The following ZNF207 variants were observed in gnomAD, a reference collection of about 807,000 sequenced individuals.
The protein encoded by ZNF207 is zinc finger protein 207.
ZNF207 carries 24 observed loss-of-function variants against 60.2 expected under a neutral mutation model. The ratio of observed to expected loss-of-function variants is 0.40; its 90% CI spans 0.29 to 0.56. The LOEUF is 0.56. Among genes scored for constraint, ZNF207 ranks in the 20% least tolerant of loss-of-function variants. ZNF207 has a pLI of 0.49. For missense variants in ZNF207, 452 were observed against 636.6 expected, an observed-to-expected ratio of 0.71 and a Z score of 3.12; for synonymous variants, 236 against 194.7, an observed-to-expected ratio of 1.21 and a Z score of -1.77.
intron 2 of ZNF207, among the ~76,000 whole-genome samples, chr17:32,357,351 A>ATTATTATTTTTT (rs1363194053): frequency 2.7e-5 from 2 of 74,028 alleles, no homozygotes; most frequent in African/African-American, 1.1e-4. Context: ...TATTATTATT[A>ATTATTATTTTTT]TTTTTTTTTT....
At chr17:32,351,988 T>C in intron 2 of ZNF207, 76 bp downstream of exon 2, 1 of 1,429,862 alleles carries the variant, frequency 7.0e-7, no homozygotes, top group Non-Finnish European at 9.3e-7. Context: ...TTTTTATTTT[T>C]TTGAGTTTCG....
chr17:32,358,097 A>G (rs928556621), intron 2 of ZNF207, among the ~76,000 whole-genome samples: 2 of 152,218 alleles, frequency 1.3e-5, no homozygotes, highest in Admixed American at 6.5e-5. Context: ...AATTCTTAAT[A>G]TGAGGCTGTT....
chr17:32,357,351 A>ATTTTTTTTTTTTTTTTT (rs1164011891), intron 2 of ZNF207, among the ~76,000 whole-genome samples: 2 of 74,028 alleles, frequency 2.7e-5, no homozygotes, highest in African/African-American at 1.1e-4. Context: ...TATTATTATT[A>ATTTTTTTTTTTTTTTTT]TTTTTTTTTT....
At chr17:32,361,399 T>C in intron 5 of ZNF207, 69 bp from the exon 6 acceptor site, 3 of 1,364,130 alleles carry the variant, frequency 2.2e-6, no homozygotes, top group Non-Finnish European at 3.1e-6. Flanking sequence ...GTGAGAGGTA[T>C]ACAATACACT....
Position 32,358,611 on chromosome 17 carries a change from AGAC to A in ZNF207, c.284_286del (p.Arg95del). ...TATTCCAGAAAAAGACATGGATGAA[AGAC>A]GACGACTTCTTGAACAGAAAACACA... On this transcript the variant is annotated inframe_deletion, in exon 3 of 12. Coordinates refer to ENST00000394670, the MANE Select transcript of ZNF207 (RefSeq NM_001098507.2). 6.5e-7 allele frequency: 1 copy of A among 1,533,088 alleles called. No homozygotes were observed. The highest frequency in any genetic ancestry group is 8.7e-7 in the Non-Finnish European group (1 of 1,148,676). The allele number at this position is 1,533,088 out of a possible 1,614,324, so 95.0% of individuals were successfully genotyped here. A position where few individuals can be genotyped will look rare whatever the true frequency, so the allele number is the denominator to read the frequency against.
chr17:32,353,597 C>A (rs1597755647), intron 2 of ZNF207, among the ~76,000 whole-genome samples: 1 of 147,708 alleles, frequency 6.8e-6, no homozygotes, highest in Non-Finnish European at 1.5e-5. Context: ...GCCTGACCAA[C>A]GTGGTGAAAC....
chr17:32,351,650 A>G (rs573442196), intron 1 of ZNF207, 136 bp from the exon 2 acceptor site: 37 of 1,568,036 alleles, frequency 2.4e-5, no homozygotes, highest in African/African-American at 4.1e-5. Flanking sequence ...TAATTGTGTA[A>G]TAAATATAAA....
At position 32,363,529 on chromosome 17, in the gene ZNF207, C is replaced by CTTTTTTTTTTTTT. The variant is rs746944466; in HGVS notation, c.670+561_670+573dup. On this transcript the variant is annotated intron_variant, in intron 7 of 11. Transcript: ENST00000394670. Reference sequence around the variant, plus strand: ...ACAAGTAATAGAGAAATCCAACAAACTTTTTTTTTTTTTTTTTTTTTTTTT... The same window carrying CTTTTTTTTTTTTT: ...ACAAGTAATAGAGAAATCCAACAAACTTTTTTTTTTTTTTTTTTTTTTTTTTTTTTTTTTTTTT... Among the ~76,000 whole-genome samples the CTTTTTTTTTTTTT allele has an allele frequency of 2.6e-3, 182 of 69,608 alleles. 34 individuals are homozygous for CTTTTTTTTTTTTT. The highest frequency in any genetic ancestry group is 3.6e-3 in the Non-Finnish European group (129 of 35,844). 45.7% of individuals were successfully genotyped at this position (69,608 alleles called of 152,430 possible). A position where few individuals can be genotyped will look rare whatever the true frequency, so the allele number is the denominator to read the frequency against.
intron 2 of ZNF207, 86 bp from the exon 3 acceptor site, chr17:32,358,417 A>G (rs2150792351): frequency 7.3e-7 from 1 of 1,361,326 alleles, no homozygotes; most frequent in South Asian, 1.6e-5. Flanking sequence ...ACTATAGAAC[A>G]TTTATTCTTT....
At chr17:32,357,335 TATTATTATTATTA>T (rs1161976881) in intron 2 of ZNF207, among the ~76,000 whole-genome samples, 29 of 92,860 alleles carry the variant, frequency 3.1e-4, no homozygotes, top group African/African-American at 9.3e-4. Context: ...TTATTATTAT[TATTATTATTATTA>T]TTATTTTTTT....
At chr17:32,368,048 T>C in intron 10 of ZNF207, 34 bp downstream of exon 10, 1 of 1,611,886 alleles carries the variant, frequency 6.2e-7, no homozygotes, top group Non-Finnish European at 8.5e-7. Flanking sequence ...GAGCAGCATT[T>C]GATTTAAAGC....
At chr17:32,358,146 A>G (rs1170526184) in intron 2 of ZNF207, among the ~76,000 whole-genome samples, 1 of 152,208 alleles carries the variant, frequency 6.6e-6, no homozygotes, top group Non-Finnish European at 1.5e-5. Context: ...AACATCCCTG[A>G]TTTGGATAGG....
At chr17:32,354,665 T>C (rs932783226) in intron 2 of ZNF207, among the ~76,000 whole-genome samples, 19 of 151,126 alleles carry the variant, frequency 1.3e-4, no homozygotes, top group Admixed American at 2.6e-4. Flanking sequence ...CAGGCTGGAG[T>C]GCAGTGGGCG....
At chr17:32,359,896 G>A (rs932634993) in intron 3 of ZNF207, among the ~76,000 whole-genome samples, 2 of 152,018 alleles carry the variant, frequency 1.3e-5, no homozygotes, top group Non-Finnish European at 1.5e-5. Context: ...TAGATAAATC[G>A]ATTGATTGAT....
rs549918204 is a variant in ZNF207, at chr17:32,373,632, T to C, written c.*3873T>C. 1 of 391,246 alleles carries C rather than the reference T, an allele frequency of 2.6e-6. No individual in the cohort carries two copies. Among genetic ancestry groups the C allele is most frequent in the African/African-American group, 2.1e-5 (1 of 48,528 alleles). 24.2% of individuals were successfully genotyped at this position (391,246 alleles called of 1,614,324 possible). A position where few individuals can be genotyped will look rare whatever the true frequency, so the allele number is the denominator to read the frequency against. On this transcript the variant is annotated 3_prime_UTR_variant, in exon 12 of 12. Transcript: ENST00000394670. Reference sequence around the variant, plus strand: ...TTAATATTCACGTTTGACTGTGGTGTTAATAAACATAAGTATTTCATATGC... The same window carrying C: ...TTAATATTCACGTTTGACTGTGGTGCTAATAAACATAAGTATTTCATATGC...
intron 1 of ZNF207, 55 bp from the exon 2 acceptor site, chr17:32,351,731 T>A (rs750654153): frequency 1.2e-6 from 2 of 1,610,318 alleles, no homozygotes; most frequent in African/African-American, 1.3e-5. Flanking sequence ...CATATGTTTT[T>A]ATTATAGGCA....
In ZNF207 at chr17:32,378,260, C is replaced by G. The variant is rs1033841953; in HGVS notation, c.*8501C>G. Reference sequence around the variant, plus strand: ...AAAAGACAGTTTCAGTTGGCTATGCCCTTGTTGATAGATGATATGGAGTCC... The same window carrying G: ...AAAAGACAGTTTCAGTTGGCTATGCGCTTGTTGATAGATGATATGGAGTCC... On this transcript the variant is annotated 3_prime_UTR_variant, in exon 12 of 12. Coordinates refer to ENST00000394670, the MANE Select transcript of ZNF207 (RefSeq NM_001098507.2). 3 of 151,892 alleles carry G rather than the reference C, an allele frequency of 2.0e-5. No individual in the cohort carries two copies. Among genetic ancestry groups the G allele is most frequent in the African/African-American group, 7.3e-5 (3 of 41,372 alleles). The allele number at this position is 151,892 out of a possible 1,614,324, so 9.4% of individuals were successfully genotyped here.
Position 32,380,968 on chromosome 17 carries a change from GAAAA to G in ZNF207, c.*11213_*11216del, listed in dbSNP as rs142330011. On this transcript the variant is annotated 3_prime_UTR_variant, in exon 12 of 12. Coordinates refer to ENST00000394670, the MANE Select transcript of ZNF207 (RefSeq NM_001098507.2). ...CGAGACTCCGTCTCAAAAAAAAAAA[GAAAA>G]AAAGAAAAAGTGATAAGATTTGGGA... 2,925 of 151,518 alleles carry G rather than the reference GAAAA, an allele frequency of 0.019. 58 individuals are homozygous for G. The highest frequency in any genetic ancestry group is 0.065 in the Middle Eastern group (19 of 294). 9.4% of individuals were successfully genotyped at this position (151,518 alleles called of 1,614,324 possible). A position where few individuals can be genotyped will look rare whatever the true frequency, so the allele number is the denominator to read the frequency against.
At position 32,367,978 on chromosome 17, in the gene ZNF207, C is replaced by T; in HGVS notation, c.1128C>T (p.Thr376=). ...KPATLTTTSA[T]SKLIHPDEDI... ...CTACACTTACAACAACTAGTGCAAC[C>T]AGTAAGTTGATCCATCCAGATGAGG... The change falls in exon 10 of 12, where the codon ACC becomes ACT. Residue 376 remains threonine, a synonymous_variant. Transcript: ENST00000394670. 1.2e-6 allele frequency: 2 copies of T among 1,614,160 alleles called. No individual in the cohort carries two copies. Among genetic ancestry groups the T allele is most frequent in the Non-Finnish European group, 1.7e-6 (2 of 1,180,024 alleles).
Sources: allele counts gnomAD v4.1 joint callset (sites outside exome capture counted in the v4.1 genomes callset), GRCh38; gene constraint gnomAD v4.1.1; transcripts MANE v1.5; gene names NCBI Gene and HGNC (gene_info 2026-07-23, HGNC 2026-07-21).